ADAMTS12: variants seen among roughly 807,000 people sequenced by gnomAD.
ADAMTS12 encodes ADAM metallopeptidase with thrombospondin type 1 motif 12.
ADAMTS12 carries 118 observed loss-of-function variants against 167.8 expected under a neutral mutation model. That is an observed-to-expected ratio of 0.70 (90% confidence interval 0.61 to 0.82). The LOEUF (loss-of-function observed/expected upper bound fraction) is 0.82. Among genes scored for constraint, ADAMTS12 ranks in the 40% least tolerant of loss-of-function variants. The pLI, the probability that ADAMTS12 is intolerant of heterozygous loss-of-function variation, is 0.00. For synonymous variants in ADAMTS12, 704 were observed against 716.9 expected (o/e 0.98, Z 0.29); for missense variants, 1,916 against 1,998.8 (o/e 0.96, Z 0.79).
At chr5:33,745,568 G>C (rs894999765) in intron 3 of ADAMTS12, among the ~76,000 whole-genome samples, 6 of 152,140 alleles carry the variant, frequency 3.9e-5, no homozygotes, top group Non-Finnish European at 8.8e-5. Flanking sequence ...TCAGCACAGA[G>C]CATCCTGGAG....
At chr5:33,760,921 G>GTGTGCA (rs1491317896) in intron 2 of ADAMTS12, among the ~76,000 whole-genome samples, 75 of 128,362 alleles carry the variant, frequency 5.8e-4, no homozygotes, top group African/African-American at 2.7e-3. Flanking sequence ...GTGTGTGTGT[G>GTGTGCA]CGTATGCGCT....
At chr5:33,562,792 T>C (rs1745811747) in intron 19 of ADAMTS12, among the ~76,000 whole-genome samples, 1 of 152,112 alleles carries the variant, frequency 6.6e-6, no homozygotes, top group Non-Finnish European at 1.5e-5. Context: ...CCACCACACC[T>C]AGCTAACTTT....
At chr5:33,825,917 G>C (rs1049108056) in intron 2 of ADAMTS12, among the ~76,000 whole-genome samples, 24 of 152,144 alleles carry the variant, frequency 1.6e-4, no homozygotes, top group African/African-American at 5.8e-4. Flanking sequence ...CTAGAATCAA[G>C]TTTGGTCTAG....
At chr5:33,750,085 T>C (rs1490659913) in intron 3 of ADAMTS12, among the ~76,000 whole-genome samples, 1 of 152,226 alleles carries the variant, frequency 6.6e-6, no homozygotes, top group Non-Finnish European at 1.5e-5. Flanking sequence ...TCCAGGTGAC[T>C]GGATCAATGA....
At chr5:33,764,692 T>G (rs1322058808) in intron 2 of ADAMTS12, among the ~76,000 whole-genome samples, 3 of 152,220 alleles carry the variant, frequency 2.0e-5, no homozygotes, top group Non-Finnish European at 2.9e-5. Context: ...CCAAAAGATC[T>G]ACTTTCTCCA....
At chr5:33,678,056 C>A (rs4437379) in intron 5 of ADAMTS12, among the ~76,000 whole-genome samples, 39,738 of 151,952 alleles carry the variant, frequency 0.26, 7,112 homozygotes, top group African/African-American at 0.47. Context: ...AGAATAAGAA[C>A]GACAAGAGTG....
chr5:33,549,402 C>T lies in ADAMTS12; in HGVS notation c.4126-19G>A, dbSNP rs2111832173. The stretch of plus-strand genomic sequence containing the variant: ...TGGAGCACTGTATGGAGAGAAAAAT[C>T]AAAGGCGATCTCTGAGTCATTGGCA... On this transcript the variant is annotated intron_variant, in intron 20 of 23. Transcript: ENST00000504830. 6.3e-7 allele frequency: 1 copy of T among 1,599,560 alleles called. No homozygotes were observed. The highest frequency in any genetic ancestry group is 8.6e-7 in the Non-Finnish European group (1 of 1,168,556).
At chr5:33,603,412 G>A (rs1321253493) in intron 16 of ADAMTS12, 1 of 152,188 alleles carries the variant, frequency 6.6e-6, no homozygotes, top group East Asian at 1.9e-4. Context: ...ATCTTTTGAT[G>A]GGTGACTCAG....
chr5:33,560,389 A>T (rs1745680508), intron 20 of ADAMTS12, among the ~76,000 whole-genome samples: 1 of 152,200 alleles, frequency 6.6e-6, no homozygotes. Context: ...CTAGAACTAG[A>T]AATACCGTTT....
chr5:33,683,737 A>G, intron 4 of ADAMTS12, 122 bp downstream of exon 4: 1 of 578,196 alleles, frequency 1.7e-6, no homozygotes, highest in Non-Finnish European at 2.6e-6. Context: ...TACTAGATTC[A>G]CATATATATT....
intron 3 of ADAMTS12, among the ~76,000 whole-genome samples, chr5:33,697,931 T>C (rs945240905): frequency 1.3e-5 from 2 of 152,240 alleles, no homozygotes; most frequent in Non-Finnish European, 2.9e-5. Context: ...TAAAATTGCT[T>C]TGCTAAGAAT....
chr5:33,563,551 C>T (rs1355913665), intron 19 of ADAMTS12, among the ~76,000 whole-genome samples: 1 of 152,166 alleles, frequency 6.6e-6, no homozygotes, highest in Non-Finnish European at 1.5e-5. Context: ...GTGTTCAGAA[C>T]CAGAACTGAT....
chr5:33,531,251 C>A (rs530067485), intron 23 of ADAMTS12, among the ~76,000 whole-genome samples: 1 of 152,366 alleles, frequency 6.6e-6, no homozygotes, highest in East Asian at 1.9e-4. Context: ...GCCTCCAGAA[C>A]TGTGAGAATA....
At chr5:33,851,037 A>G (rs1373681500) in intron 2 of ADAMTS12, among the ~76,000 whole-genome samples, 1 of 152,218 alleles carries the variant, frequency 6.6e-6, no homozygotes, top group Non-Finnish European at 1.5e-5. Context: ...CAGGTCTCCC[A>G]ACTCCAAGTC....
chr5:33,888,311 G>A (rs746808671), intron 1 of ADAMTS12: 1 of 152,020 alleles, frequency 6.6e-6, no homozygotes, highest in Non-Finnish European at 1.5e-5. Context: ...ACCTTGCAAC[G>A]CTATTTTTAT....
At chr5:33,859,356 G>A (rs758872212) in intron 2 of ADAMTS12, among the ~76,000 whole-genome samples, 7 of 152,192 alleles carry the variant, frequency 4.6e-5, no homozygotes, top group Non-Finnish European at 1.0e-4. Flanking sequence ...AGCTTGAGTA[G>A]GTGGTTTTCC....
At chr5:33,793,122 T>C (rs1410116795) in intron 2 of ADAMTS12, among the ~76,000 whole-genome samples, 1 of 152,258 alleles carries the variant, frequency 6.6e-6, no homozygotes, top group Non-Finnish European at 1.5e-5. Flanking sequence ...ACCACGGCTC[T>C]TCCTCAATTA....
rs147475707 is a variant in ADAMTS12 at position 33,576,705 on chromosome 5, G to A, written c.3321C>T (p.Ser1107=). ...CCGAGGTAGGACCAGTATCTGAACT[G>A]GAAACATTTTCCTCACTTGGCTGAA... ...LSIQPSEENV[S]SSDTGPTSEG... The change falls in exon 19 of 24, where the codon TCC becomes TCT. Residue 1107 remains serine (S), a synonymous_variant. Coordinates refer to ENST00000504830, the MANE Select transcript of ADAMTS12 (RefSeq NM_030955.4). The A allele has an allele frequency of 4.7e-4, 755 of 1,614,212 alleles. 2 individuals are homozygous for A. Among genetic ancestry groups the A allele is most frequent in the Middle Eastern group, 3.5e-3 (21 of 6,062 alleles).
intron 12 of ADAMTS12, among the ~76,000 whole-genome samples, chr5:33,631,154 GC>G (rs1454040044): frequency 1.3e-5 from 2 of 152,158 alleles, no homozygotes; most frequent in Non-Finnish European, 2.9e-5. Flanking sequence ...TTAAAAGGTT[GC>G]TTTAAAATAC....
Sources: gnomAD v4.1 joint callset for allele counts (sites outside exome capture counted in the v4.1 genomes callset) on GRCh38, gnomAD v4.1.1 for gene constraint, MANE v1.5 for transcripts, NCBI Gene and HGNC (gene_info 2026-07-23, HGNC 2026-07-21) for gene names.